Variants in TBCD observed in about 807,000 individuals in gnomAD.
TBCD encodes the protein tubulin folding cofactor D.
A neutral mutation model predicts 169.3 loss-of-function variants in TBCD; 105 were observed. That is an observed-to-expected ratio of 0.62 (90% CI 0.53 to 0.73). The LOEUF (loss-of-function observed/expected upper bound fraction) is 0.73. Ranked by LOEUF, TBCD falls within the 30% of genes least tolerant of loss-of-function variation. The pLI is 0.00. For synonymous variants in TBCD, 700 were observed against 643.9 expected (o/e 1.09, Z -1.32); for missense variants, 1,444 against 1,600.1 (o/e 0.90, Z 1.66).
Position 82,887,168 on chromosome 17 carries a change from T to TGTGTGTGCGCGCGCGCGC in TBCD, c.1534-2499_1534-2498insTGTGTGCGCGCGCGCGCG. Among the ~76,000 whole-genome samples, 147 of 126,178 alleles carry TGTGTGTGCGCGCGCGCGC rather than the reference T, an allele frequency of 1.2e-3. 1 individual carries two copies. Among genetic ancestry groups the TGTGTGTGCGCGCGCGCGC allele is most frequent in the Admixed American group, 2.1e-3 (28 of 13,374 alleles). The allele number at this position is 126,178 out of a possible 152,430, so 82.8% of individuals were successfully genotyped here. A position where few individuals can be genotyped will look rare whatever the true frequency, so the allele number is the denominator to read the frequency against. On this transcript the variant is annotated intron_variant, in intron 15 of 38. Coordinates refer to ENST00000355528, the MANE Select transcript of TBCD (RefSeq NM_005993.5). ...GTGTGTGTGTGTGTGTGTGTGTGTG[T>TGTGTGTGCGCGCGCGCGC]GCGCGCGCGCGCACGTGCGCTCACG... is the stretch of plus-strand genomic sequence containing the variant.
Position 82,772,384 on chromosome 17 carries a change from A to G in TBCD, c.583-68A>G, listed in dbSNP as rs2048353721. The G allele has an allele frequency of 3.2e-6, 5 of 1,541,454 alleles. No homozygotes were observed. In the South Asian group the frequency reaches 4.5e-5, roughly 14 times the overall value. On this transcript the variant is annotated intron_variant, in intron 5 of 38. Coordinates refer to ENST00000355528, the MANE Select transcript of TBCD (RefSeq NM_005993.5). ...GGAGCTGGTGAGGGTGGGACTGGTGACTGTGTGGTGTCCCCAAGGCTGGCG... is the reference window on the plus strand; with the variant it reads ...GGAGCTGGTGAGGGTGGGACTGGTGGCTGTGTGGTGTCCCCAAGGCTGGCG...
intron 13 of TBCD, among the ~76,000 whole-genome samples, chr17:82,846,330 C>T (rs1305655171): frequency 1.3e-5 from 2 of 151,116 alleles, no homozygotes; most frequent in African/African-American, 4.9e-5. Flanking sequence ...GTGCCGTGTC[C>T]TCTCGTCCAG....
chr17:82,790,303 CTCTGTGCCCTTGA>C (rs2049615502), intron 7 of TBCD, among the ~76,000 whole-genome samples: 1 of 152,226 alleles, frequency 6.6e-6, no homozygotes, highest in African/African-American at 2.4e-5. Flanking sequence ...CCCATGCTGC[CTCTGTGCCCTTGA>C]TCCTGGCAGC....
At chr17:82,878,820 G>A (rs903699883) in intron 14 of TBCD, among the ~76,000 whole-genome samples, 1 of 152,214 alleles carries the variant, frequency 6.6e-6, no homozygotes, top group African/African-American at 2.4e-5. Context: ...CCGACGTTCA[G>A]TGATTGCAGC....
chr17:82,847,633 C>T (rs1285349286), intron 13 of TBCD, among the ~76,000 whole-genome samples: 1 of 152,114 alleles, frequency 6.6e-6, no homozygotes, highest in African/African-American at 2.4e-5. Context: ...AATAACGCCA[C>T]AATTTAATTC....
rs186053747 is a variant in TBCD at position 82,874,045 on chromosome 17, G to A, written c.1475+3665G>A. On this transcript the variant is annotated intron_variant, in intron 14 of 38. Coordinates refer to ENST00000355528, the MANE Select transcript of TBCD (RefSeq NM_005993.5). This position sits in a 1 kb window ranked among gnomAD's most constrained non-coding sequence, Gnocchi z 5.0. ...GCTCCTCTTTTGGAGCAGCTGCCACGTGTGGACCGGCACGGGCATGGTCGT... is the reference window on the plus strand; with the variant it reads ...GCTCCTCTTTTGGAGCAGCTGCCACATGTGGACCGGCACGGGCATGGTCGT... Among the ~76,000 whole-genome samples, 3 of 152,336 alleles carry A rather than the reference G, an allele frequency of 2.0e-5. No individual in the cohort carries two copies. The highest frequency in any genetic ancestry group is 2.1e-4 in the South Asian group (1 of 4,822).
chr17:82,763,860 C>G, intron 2 of TBCD, 105 bp from the exon 3 acceptor site: 1 of 897,392 alleles, frequency 1.1e-6, no homozygotes, highest in African/African-American at 1.7e-5. Flanking sequence ...CCACCTTGGT[C>G]TCCCAAAGTG....
At chr17:82,785,911 G>GC (rs1358883341) in intron 7 of TBCD, among the ~76,000 whole-genome samples, 1 of 151,996 alleles carries the variant, frequency 6.6e-6, no homozygotes, top group Non-Finnish European at 1.5e-5. Flanking sequence ...AGTGGGAGGG[G>GC]GTCCATGCTG....
intron 18 of TBCD, among the ~76,000 whole-genome samples, chr17:82,901,879 C>G (rs1369014396): frequency 6.6e-6 from 1 of 152,246 alleles, no homozygotes; most frequent in African/African-American, 2.4e-5. Flanking sequence ...GTCCCCTAAA[C>G]CGAACCTAGG....
chr17:82,795,504 C>T, intron 7 of TBCD: 1 of 984,484 alleles, frequency 1.0e-6, no homozygotes, highest in Non-Finnish European at 1.2e-6. Flanking sequence ...CGTTGTTGAG[C>T]ACTTCACTGT....
At chr17:82,760,312 TA>T (rs1170397010) in intron 2 of TBCD, among the ~76,000 whole-genome samples, 2 of 152,242 alleles carry the variant, frequency 1.3e-5, no homozygotes, top group Non-Finnish European at 2.9e-5. Flanking sequence ...GGAATTCTAT[TA>T]AATTCACAAA....
intron 14 of TBCD, chr17:82,876,925 C>A: frequency 1.0e-6 from 1 of 984,348 alleles, no homozygotes; most frequent in African/African-American, 1.7e-5. Context: ...GGTCTGACTG[C>A]CTGAGCGGAG....
At chr17:82,902,772 A>G (rs547233573) in intron 18 of TBCD, among the ~76,000 whole-genome samples, 1 of 152,304 alleles carries the variant, frequency 6.6e-6, no homozygotes, top group East Asian at 1.9e-4. Flanking sequence ...CGCCCTCATG[A>G]TGATTTTAAG....
rs536350221 is a variant in TBCD, at chr17:82,934,156, C to T, written c.3191+1421C>T. On this transcript the variant is annotated intron_variant, in intron 34 of 38. Transcript: ENST00000355528. ...CCCCCAGGAAGCCCCCTCTGGTGCT[C>T]AGAACCTGAGCGAGCTCTGCAGACT... 7.9e-5 allele frequency among the ~76,000 whole-genome samples: 12 copies of T among 152,346 alleles called. No homozygotes were observed. In the East Asian group the frequency reaches 1.5e-3, roughly 20 times the overall value.
In TBCD at chr17:82,923,721, C is replaced by T; in HGVS notation, c.2248C>T (p.Pro750Ser). 1 of 1,598,966 alleles carries T rather than the reference C, an allele frequency of 6.3e-7. No homozygotes were observed. The highest frequency in any genetic ancestry group is 8.5e-7 in the Non-Finnish European group (1 of 1,172,984). Residue 750 changes from proline to serine, a missense_variant, in exon 26 of 39, where the codon CCC becomes TCC. Transcript: ENST00000355528. The surrounding 1 kb of genome is among the most constrained non-coding windows in gnomAD (Gnocchi z 4.6). ...CATGAAGGAGCCGGGGGAGGCAGAT[C>T]CCGCAATTCAGGGTGAGTGGGGAGC... ...YYMKEPGEAD[P>S]AIQEELITQY...
intron 23 of TBCD, among the ~76,000 whole-genome samples, chr17:82,917,049 C>G (rs912077384): frequency 6.8e-5 from 6 of 88,308 alleles, no homozygotes; most frequent in Admixed American, 3.7e-4. Flanking sequence ...GAGTTGGAGT[C>G]TTGCTCTGTC....
rs76645796 is a variant in TBCD at position 82,815,391 on chromosome 17, T to A, written c.1318+457T>A. On this transcript the variant is annotated intron_variant, in intron 13 of 38. Transcript: ENST00000355528. ...GTAGAACCAGGTACCCCTGGCAGCA[T>A]CCTGGGTCACCTGGAGTGACGTGGT... Among the ~76,000 whole-genome samples the A allele has an allele frequency of 1.8e-3, 267 of 152,268 alleles. 2 individuals are homozygous for A. Among genetic ancestry groups the A allele is most frequent in the African/African-American group, 5.7e-3 (236 of 41,564 alleles).
intron 22 of TBCD, among the ~76,000 whole-genome samples, chr17:82,910,040 G>A (rs962066684): frequency 2.0e-5 from 3 of 152,228 alleles, no homozygotes; most frequent in East Asian, 1.9e-4. Flanking sequence ...GTACGGCGCC[G>A]TGTTATCCAC....
At position 82,920,536 on chromosome 17, in the gene TBCD, C is replaced by CTTTTT. The variant is rs3214869; in HGVS notation, c.2039-9_2039-5dup. ...TTAGAAAAGTAACATTGCGTCTATCCTTTTTTTTTTTTTTTCCAGTGTGTG... is the reference window on the plus strand; with the variant it reads ...TTAGAAAAGTAACATTGCGTCTATCCTTTTTTTTTTTTTTTTTTTTCCAGTGTGTG... On this transcript the variant is annotated intron_variant, in intron 23 of 38. Transcript: ENST00000355528. This position sits in a 1 kb window ranked among gnomAD's most constrained non-coding sequence, Gnocchi z 4.1. The CTTTTT allele has an allele frequency of 7.1e-7, 1 of 1,402,622 alleles. No individual in the cohort carries two copies. The highest frequency in any genetic ancestry group is 2.4e-5 in the Admixed American group (1 of 41,726). The allele number at this position is 1,402,622 out of a possible 1,614,324, so 86.9% of individuals were successfully genotyped here.
Sources: gnomAD v4.1 joint callset for allele counts (sites outside exome capture counted in the v4.1 genomes callset) on GRCh38, gnomAD v4.1.1 for gene constraint, Gnocchi (gnomAD v3.1) non-coding constraint, MANE v1.5 for transcripts, NCBI Gene and HGNC (gene_info 2026-07-23, HGNC 2026-07-21) for gene names.